Variants in DIAPH3 observed in about 807,000 individuals in gnomAD.
The protein encoded by DIAPH3 is diaphanous related formin 3.
DIAPH3 carries 117 observed loss-of-function variants against 144.3 expected under a neutral mutation model. The ratio of observed to expected loss-of-function variants is 0.81; its 90% CI spans 0.70 to 0.95. The LOEUF (loss-of-function observed/expected upper bound fraction) is 0.95, where lower values mean the gene tolerates loss of function less well. Among genes scored for constraint, DIAPH3 ranks in the 40% least tolerant of loss-of-function variants. The pLI, the probability that DIAPH3 is intolerant of heterozygous loss-of-function variation, is 0.00. For missense variants in DIAPH3, 1,421 were observed against 1,412.7 expected, an observed-to-expected ratio of 1.01 and a Z score of -0.09; for synonymous variants, 519 against 488.9, an observed-to-expected ratio of 1.06 and a Z score of -0.81.
chr13:59,887,019 A>G (rs907667654), intron 20 of DIAPH3, among the ~76,000 whole-genome samples: 1 of 152,092 alleles, frequency 6.6e-6, no homozygotes, highest in African/African-American at 2.4e-5. Context: ...TAAGTTGAGT[A>G]TAACTCCAGG....
intron 9 of DIAPH3, among the ~76,000 whole-genome samples, chr13:59,996,515 T>C (rs763962405): frequency 1.3e-5 from 2 of 152,028 alleles, no homozygotes; most frequent in African/African-American, 2.4e-5. Flanking sequence ...TTCAGGATAG[T>C]TGAGGATTTC....
chr13:60,008,435 A>G lies in DIAPH3; in HGVS notation c.1014+109T>C. On this transcript the variant is annotated intron_variant, in intron 9 of 27. Coordinates refer to ENST00000400324, the MANE Select transcript of DIAPH3 (RefSeq NM_001042517.2). The stretch of plus-strand genomic sequence containing the variant: ...ATAAATAATGCTATAAAAGAATATT[A>G]AAAGGCATGCAGAGCTTCATAACAA... 8.5e-6 allele frequency: 6 copies of G among 703,544 alleles called. No individual in the cohort carries two copies. The South Asian group carries it at 1.0e-4, about 12-fold the overall frequency. 43.6% of individuals were successfully genotyped at this position (703,544 alleles called of 1,614,324 possible).
chr13:60,082,703 T>C (rs2057603366), intron 4 of DIAPH3, among the ~76,000 whole-genome samples: 1 of 152,134 alleles, frequency 6.6e-6, no homozygotes, highest in African/African-American at 2.4e-5. Context: ...ACTGTTTCCA[T>C]GAGTCCTTCA....
chr13:60,035,168 G>A (rs1211623561), intron 5 of DIAPH3, among the ~76,000 whole-genome samples: 1 of 152,116 alleles, frequency 6.6e-6, no homozygotes, highest in Non-Finnish European at 1.5e-5. Context: ...TATAAATTGA[G>A]CTGAGTAGCT....
In DIAPH3 at chr13:59,916,602, T is replaced by C. The variant is rs541036344; in HGVS notation, c.2171-353A>G. Among the ~76,000 whole-genome samples, 7 of 152,208 alleles carry C rather than the reference T, an allele frequency of 4.6e-5. No homozygotes were observed. The East Asian group carries it at 1.3e-3, about 29-fold the overall frequency. On this transcript the variant is annotated intron_variant, in intron 18 of 27. Coordinates refer to ENST00000400324, the MANE Select transcript of DIAPH3 (RefSeq NM_001042517.2). ...AAACATCACATTGTAATGAAAATAA[T>C]AAGAAAACCACAGTATGTGCATGTA...
intron 27 of DIAPH3, among the ~76,000 whole-genome samples, chr13:59,708,529 C>G (rs960351153): frequency 1.3e-5 from 2 of 152,184 alleles, no homozygotes; most frequent in African/African-American, 4.8e-5. Context: ...ACAGTTGTCA[C>G]TCTCTGCTAC....
chr13:59,856,318 G>T (rs2043249589), intron 22 of DIAPH3, among the ~76,000 whole-genome samples: 1 of 152,164 alleles, frequency 6.6e-6, no homozygotes, highest in Non-Finnish European at 1.5e-5. Context: ...TGAGAAAAAT[G>T]TCTTAAGTTA....
intron 24 of DIAPH3, among the ~76,000 whole-genome samples, chr13:59,820,499 A>G (rs1021453189): frequency 3.7e-4 from 56 of 151,966 alleles, no homozygotes; most frequent in African/African-American, 1.1e-3. Flanking sequence ...TTTCTCCACG[A>G]AAGTACTACT....
chr13:59,747,222 G>A (rs753589733), intron 27 of DIAPH3, among the ~76,000 whole-genome samples: 3 of 151,996 alleles, frequency 2.0e-5, no homozygotes, highest in Non-Finnish European at 2.9e-5. Context: ...AGTATTATTC[G>A]GGATGATCAC....
In DIAPH3 at chr13:59,735,675, T is replaced by C. The variant is rs1008504431; in HGVS notation, c.3319+38514A>G. On this transcript the variant is annotated intron_variant, in intron 27 of 27. Coordinates refer to ENST00000400324, the MANE Select transcript of DIAPH3 (RefSeq NM_001042517.2). Reference sequence around the variant, plus strand: ...TGGCTGCTCAAACCCATGAGGTAGATTTTTTTTTTCCCCAACTTATAAAAA... The same window carrying C: ...TGGCTGCTCAAACCCATGAGGTAGACTTTTTTTTTCCCCAACTTATAAAAA... 3.9e-5 allele frequency among the ~76,000 whole-genome samples: 6 copies of C among 152,016 alleles called. No individual in the cohort carries two copies. The Middle Eastern group carries it at 0.014, about 345-fold the overall frequency.
chr13:59,896,596 T>C (rs1403084894), intron 20 of DIAPH3, among the ~76,000 whole-genome samples: 2 of 120,482 alleles, frequency 1.7e-5, no homozygotes, highest in Non-Finnish European at 3.5e-5. Context: ...GAGGCGGGGG[T>C]GGAGGCAGGG....
chr13:59,899,811 A>G (rs2046332382), intron 20 of DIAPH3, among the ~76,000 whole-genome samples: 2 of 152,240 alleles, frequency 1.3e-5, no homozygotes, highest in South Asian at 4.1e-4. Flanking sequence ...AAAATTTTGT[A>G]CCTTTTGCCA....
rs114252145 is a variant in DIAPH3, at chr13:59,729,091, A to G, written c.3319+45098T>C. Among the ~76,000 whole-genome samples the G allele has an allele frequency of 8.2e-3, 1,244 of 152,310 alleles. 20 individuals carry two copies. The highest frequency in any genetic ancestry group is 0.028 in the African/African-American group (1,173 of 41,564). On this transcript the variant is annotated intron_variant, in intron 27 of 27. Coordinates refer to ENST00000400324, the MANE Select transcript of DIAPH3 (RefSeq NM_001042517.2). ...CACTGGAACTGCCTGTGACCAAGAC[A>G]TTCATGTGGCAAAGAAGAGAGGCAT...
At chr13:59,851,866 C>A (rs957722301) in intron 22 of DIAPH3, among the ~76,000 whole-genome samples, 2 of 152,220 alleles carry the variant, frequency 1.3e-5, no homozygotes, top group Admixed American at 1.3e-4. Flanking sequence ...GATCCGCACG[C>A]CTCGGCCTCC....
rs776873243 is a variant in DIAPH3, at chr13:59,911,726, G to A, written c.2367+9C>T. ...AGTATAAAAATCCTCTCTGAGACTC[G>A]GTACTTACCACAACCACAAACTGCT... is the stretch of plus-strand genomic sequence containing the variant. On this transcript the variant is annotated intron_variant, in intron 20 of 27. Coordinates refer to ENST00000400324, the MANE Select transcript of DIAPH3 (RefSeq NM_001042517.2). 1.1e-5 allele frequency: 17 copies of A among 1,605,804 alleles called. No individual in the cohort carries two copies. Among genetic ancestry groups the A allele is most frequent in the Admixed American group, 5.0e-5 (3 of 59,976 alleles).
intron 27 of DIAPH3, chr13:59,773,970 T>C (rs2038254852): frequency 3.9e-6 from 2 of 508,930 alleles, no homozygotes; most frequent in South Asian, 3.3e-5. Flanking sequence ...AAAAATTCAC[T>C]AGAGACCTGA....
intron 1 of DIAPH3, among the ~76,000 whole-genome samples, chr13:60,137,327 G>C (rs1358072958): frequency 1.3e-5 from 2 of 152,204 alleles, no homozygotes; most frequent in Non-Finnish European, 2.9e-5. Flanking sequence ...ATTGAAGATA[G>C]TACATGCTGT....
At chr13:59,785,806 T>A (rs1593849279) in intron 25 of DIAPH3, among the ~76,000 whole-genome samples, 4 of 152,126 alleles carry the variant, frequency 2.6e-5, no homozygotes, top group Non-Finnish European at 4.4e-5. Context: ...TATATGTACA[T>A]AAAGTATGGT....
intron 1 of DIAPH3, among the ~76,000 whole-genome samples, chr13:60,162,847 T>C (rs1422317585): frequency 1.5e-5 from 2 of 131,220 alleles, no homozygotes; most frequent in African/African-American, 5.3e-5. Context: ...ACACACACAG[T>C]TTTTCCATAT....
Sources: gnomAD v4.1 joint callset for allele counts (sites outside exome capture counted in the v4.1 genomes callset) on GRCh38, gnomAD v4.1.1 for gene constraint, MANE v1.5 for transcripts, NCBI Gene and HGNC (gene_info 2026-07-23, HGNC 2026-07-21) for gene names.